The following LPIN2 variants were observed in gnomAD, a reference collection of about 807,000 sequenced individuals.
LPIN2 encodes lipin 2.
LPIN2 carries 55 observed loss-of-function variants against 111.4 expected under a neutral mutation model. That is an observed-to-expected ratio of 0.49 (90% CI 0.40 to 0.62). LPIN2 has a LOEUF of 0.62. Among genes scored for constraint, LPIN2 ranks in the 20% least tolerant of loss-of-function variants. The pLI, the probability that LPIN2 is intolerant of heterozygous loss-of-function variation, is 0.00. For synonymous variants in LPIN2, 425 were observed against 414.0 expected, an observed-to-expected ratio of 1.03 and a Z score of -0.32; for missense variants, 992 against 1,112.1, an observed-to-expected ratio of 0.89 and a Z score of 1.54.
intron 1 of LPIN2, chr18:2,982,564 G>A: frequency 2.6e-6 from 1 of 385,034 alleles, no homozygotes; most frequent in South Asian, 2.2e-5. Flanking sequence ...CTAAGAAAGG[G>A]CATTAGTCTT....
intron 1 of LPIN2, among the ~76,000 whole-genome samples, chr18:2,978,525 A>T (rs2078056116): frequency 6.6e-6 from 1 of 152,240 alleles, no homozygotes; most frequent in South Asian, 2.1e-4. Context: ...TCAAAACATC[A>T]AGGTCATGAG....
In LPIN2 at chr18:2,953,123, C is replaced by T. The variant is rs1258464124; in HGVS notation, c.288+1381G>A. ...TTTTATTTTAAGGAGAAGCATACTA[C>T]ACAAGATAAACTCTGGTCAATGTAG... On this transcript the variant is annotated intron_variant, in intron 3 of 19. Transcript: ENST00000677752. 2.6e-5 allele frequency among the ~76,000 whole-genome samples: 4 copies of T among 152,108 alleles called. No homozygotes were observed. In the South Asian group the frequency reaches 6.2e-4, roughly 24 times the overall value.
intron 1 of LPIN2, among the ~76,000 whole-genome samples, chr18:2,974,461 G>GT (rs1343097078): frequency 5.9e-5 from 9 of 152,180 alleles, no homozygotes; most frequent in Non-Finnish European, 1.2e-4. Context: ...GTAAAATAAC[G>GT]TAACTGTTTT....
At chr18:2,981,682 T>G (rs1007447253) in intron 1 of LPIN2, among the ~76,000 whole-genome samples, 1 of 152,246 alleles carries the variant, frequency 6.6e-6, no homozygotes, top group Non-Finnish European at 1.5e-5. Context: ...GCCTCCCCCG[T>G]GGTAGCACCT....
chr18:2,920,113 C>G lies in LPIN2; in HGVS notation c.*180G>C. The G allele has an allele frequency of 1.3e-6, 1 of 752,794 alleles. No individual in the cohort carries two copies. The highest frequency in any genetic ancestry group is 2.2e-6 in the Non-Finnish European group (1 of 453,074). The allele number at this position is 752,794 out of a possible 1,614,324, so 46.6% of individuals were successfully genotyped here. A position where few individuals can be genotyped will look rare whatever the true frequency, so the allele number is the denominator to read the frequency against. ...CTCCCTTCTCCTTCCAGGAGCTGAG[C>G]TGCAGACCTGCCGAGCCTGAGCAGC... On this transcript the variant is annotated 3_prime_UTR_variant, in exon 20 of 20. Coordinates refer to ENST00000677752, the MANE Select transcript of LPIN2 (RefSeq NM_001375808.2).
At chr18:2,936,532 G>T (rs1454518631) in intron 7 of LPIN2, among the ~76,000 whole-genome samples, 1 of 152,038 alleles carries the variant, frequency 6.6e-6, no homozygotes. Flanking sequence ...CTGCAGTCGT[G>T]ACCTCCCTGG....
Position 2,951,193 on chromosome 18 carries a change from G to C in LPIN2, c.452C>G (p.Ser151Cys), listed in dbSNP as rs757959382. The C allele has an allele frequency of 1.9e-5, 30 of 1,614,008 alleles. No individual in the cohort carries two copies. The highest frequency in any genetic ancestry group is 2.5e-5 in the Non-Finnish European group (30 of 1,180,010). Reference sequence around the variant, plus strand: ...TCTCCTTCGTTTTTTCTTTTTCACAGAACTTGGAGTAAAAATTGTCTCTGT... The same window carrying C: ...TCTCCTTCGTTTTTTCTTTTTCACACAACTTGGAGTAAAAATTGTCTCTGT... ...LETETIFTPS[S>C]VKKKKRRRKK... is the part of the protein sequence containing the mutation. The change falls in exon 4 of 20, where the codon TCT becomes TGT. Residue 151 changes from serine to cysteine, a missense_variant. Ser to Cys is a moderately radical substitution (Grantham distance 112). Transcript: ENST00000677752.
chr18:2,992,963 G>A (rs2078286868), intron 1 of LPIN2, among the ~76,000 whole-genome samples: 1 of 138,016 alleles, frequency 7.2e-6, no homozygotes, highest in African/African-American at 2.7e-5. Context: ...TCCAGCCAGT[G>A]AGACCCGTCT....
intron 8 of LPIN2, among the ~76,000 whole-genome samples, 169 bp from the exon 9 acceptor site, chr18:2,931,612 A>G (rs919092798): frequency 3.3e-5 from 5 of 152,246 alleles, no homozygotes; most frequent in Admixed American, 6.5e-5. Context: ...ATCATATCAT[A>G]AATGACATGA....
chr18:2,960,129 C>G (rs988546673), intron 2 of LPIN2, among the ~76,000 whole-genome samples: 1 of 150,930 alleles, frequency 6.6e-6, no homozygotes. Context: ...AAGATCACAC[C>G]GCTGTACTCC....
chr18:2,965,484 T>G (rs566252908), intron 1 of LPIN2, among the ~76,000 whole-genome samples: 4 of 152,212 alleles, frequency 2.6e-5, no homozygotes, highest in Admixed American at 1.3e-4. Context: ...ATCCCAGCAC[T>G]TTGGGAGGCC....
chr18:2,991,661 G>A (rs761592198), intron 1 of LPIN2, among the ~76,000 whole-genome samples: 5 of 151,984 alleles, frequency 3.3e-5, no homozygotes, highest in Non-Finnish European at 5.9e-5. Flanking sequence ...GCAGTGAGCC[G>A]AGACCATGTC....
At chr18:2,950,991 A>C (rs2077526862) in intron 4 of LPIN2, 64 bp downstream of exon 4, 2 of 1,579,564 alleles carry the variant, frequency 1.3e-6, no homozygotes, top group Admixed American at 1.7e-5. Context: ...AAAAACTGGC[A>C]GCTCCTGGCT....
intron 8 of LPIN2, among the ~76,000 whole-genome samples, chr18:2,931,663 A>T (rs921492641): frequency 6.6e-6 from 1 of 152,242 alleles, no homozygotes; most frequent in Admixed American, 6.5e-5. Context: ...TTAACTGTGA[A>T]TATAGTAAAT....
intron 4 of LPIN2, among the ~76,000 whole-genome samples, chr18:2,944,973 A>C (rs2077427758): frequency 6.6e-6 from 1 of 152,208 alleles, no homozygotes; most frequent in African/African-American, 2.4e-5. Flanking sequence ...TTGTAAACAA[A>C]TCCTAATTTG....
At position 2,925,443 on chromosome 18, in the gene LPIN2, G is replaced by A. The variant is rs759174493; in HGVS notation, c.1794-75C>T. On this transcript the variant is annotated intron_variant, in intron 13 of 19. Transcript: ENST00000677752. This position sits in a 1 kb window ranked among gnomAD's most constrained non-coding sequence, Gnocchi z 4.1. ...ATGAGAGCTTTTCATTTAGGATCAA[G>A]AAAATAAAGATATCCTAAATCTTTT... The A allele has an allele frequency of 1.3e-5, 21 of 1,581,802 alleles. No homozygotes were observed. Among genetic ancestry groups the A allele is most frequent in the Non-Finnish European group, 1.8e-5 (21 of 1,153,058 alleles).
chr18:3,006,304 C>G (rs2078514596), intron 1 of LPIN2, among the ~76,000 whole-genome samples: 1 of 152,152 alleles, frequency 6.6e-6, no homozygotes, highest in African/African-American at 2.4e-5. Flanking sequence ...ATTAAAGACC[C>G]CAAAATGCCA....
intron 1 of LPIN2, among the ~76,000 whole-genome samples, chr18:2,972,595 C>T: frequency 6.6e-6 from 1 of 152,096 alleles, no homozygotes; most frequent in South Asian, 2.1e-4. Flanking sequence ...GAACCTGGTA[C>T]AGAGCAAGAA....
rs1324164284 is a variant in LPIN2 at position 3,013,123 on chromosome 18, G to A, written c.-46C>T. On this transcript the variant is annotated 5_prime_UTR_variant, in exon 1 of 20. Transcript: ENST00000677752. ...CCGCTCCCGGCCAGCGGGCGGCTGA[G>A]GGCAGGCGGCGGCTGGACTGCGACG... 3 of 150,618 alleles carry A rather than the reference G, an allele frequency of 2.0e-5. No homozygotes were observed. Among genetic ancestry groups the A allele is most frequent in the African/African-American group, 7.3e-5 (3 of 41,300 alleles). The allele number at this position is 150,618 out of a possible 1,614,324, so 9.3% of individuals were successfully genotyped here. A position where few individuals can be genotyped will look rare whatever the true frequency, so the allele number is the denominator to read the frequency against.
Sources: allele counts gnomAD v4.1 joint callset (sites outside exome capture counted in the v4.1 genomes callset), GRCh38; gene constraint gnomAD v4.1.1; non-coding constraint Gnocchi (gnomAD v3.1); transcripts MANE v1.5; gene names NCBI Gene and HGNC (gene_info 2026-07-23, HGNC 2026-07-21).